Variants in CSMD2 observed in about 807,000 individuals in gnomAD.
CSMD2 encodes the protein CUB and sushi domain-containing protein 2.
A neutral mutation model predicts 398.5 loss-of-function variants in CSMD2; 130 were observed. The ratio of observed to expected loss-of-function variants is 0.33; its 90% CI spans 0.28 to 0.38. The LOEUF (loss-of-function observed/expected upper bound fraction) is 0.38. Ranked by LOEUF, CSMD2 falls within the 10% of genes least tolerant of loss-of-function variation. The pLI is 1.00. For synonymous variants in CSMD2, 1,828 were observed against 1,908.5 expected, an observed-to-expected ratio of 0.96 and a Z score of 1.10; for missense variants, 3,829 against 4,764.9, an observed-to-expected ratio of 0.80 and a Z score of 5.78.
intron 1 of CSMD2, among the ~76,000 whole-genome samples, chr1:34,162,297 G>C (rs752761218): frequency 2.6e-5 from 4 of 151,980 alleles, no homozygotes; most frequent in Non-Finnish European, 5.9e-5. Flanking sequence ...AGGACTAAAG[G>C]GGTTGAGGGG....
chr1:33,606,494 T>C (rs1260262152), intron 41 of CSMD2, among the ~76,000 whole-genome samples: 1 of 152,162 alleles, frequency 6.6e-6, no homozygotes, highest in Non-Finnish European at 1.5e-5. Flanking sequence ...TGGGAAATCA[T>C]TGAGGTAATT....
intron 25 of CSMD2, among the ~76,000 whole-genome samples, chr1:33,686,648 C>A (rs530885022): frequency 6.6e-6 from 1 of 152,218 alleles, no homozygotes; most frequent in Admixed American, 6.5e-5. Flanking sequence ...CCTTGCCCAG[C>A]TTGCTGGAGC....
chr1:33,748,169 G>C (rs1323536477), intron 13 of CSMD2, among the ~76,000 whole-genome samples: 1 of 152,204 alleles, frequency 6.6e-6, no homozygotes, highest in Non-Finnish European at 1.5e-5. Context: ...GGCAGGAAGA[G>C]GAAGTGTGCG....
intron 3 of CSMD2, among the ~76,000 whole-genome samples, chr1:33,989,228 G>C (rs1646469901): frequency 6.6e-6 from 1 of 151,352 alleles, no homozygotes; most frequent in Non-Finnish European, 1.5e-5. Context: ...CAATAAACAG[G>C]TGAAAAAATG....
At chr1:33,999,443 G>T (rs1646829039) in intron 3 of CSMD2, among the ~76,000 whole-genome samples, 1 of 152,102 alleles carries the variant, frequency 6.6e-6, no homozygotes, top group African/African-American at 2.4e-5. Context: ...CCAGGCTGAA[G>T]TGCAGTAGCG....
rs765602321 is a variant in CSMD2, at chr1:33,516,218, G to A, written c.*406C>T. 1 of 152,090 alleles carries A rather than the reference G, an allele frequency of 6.6e-6. No individual in the cohort carries two copies. Among genetic ancestry groups the A allele is most frequent in the Non-Finnish European group, 1.5e-5 (1 of 68,032 alleles). 9.4% of individuals were successfully genotyped at this position (152,090 alleles called of 1,614,324 possible). A position where few individuals can be genotyped will look rare whatever the true frequency, so the allele number is the denominator to read the frequency against. On this transcript the variant is annotated 3_prime_UTR_variant, in exon 71 of 71. Coordinates refer to ENST00000373381, the MANE Select transcript of CSMD2 (RefSeq NM_001281956.2). ...CTCTGTGTGGGGAACAGGGCATGAA[G>A]CATCCTTCATGCGCACTTCTAGTTT...
intron 48 of CSMD2, among the ~76,000 whole-genome samples, chr1:33,578,889 A>G (rs1256872515): frequency 6.6e-6 from 1 of 152,066 alleles, no homozygotes; most frequent in Non-Finnish European, 1.5e-5. Context: ...TTCCAAGCCG[A>G]ATTTGTTTCC....
chr1:33,584,011 T>A (rs915962598), intron 46 of CSMD2, among the ~76,000 whole-genome samples, 181 bp from the exon 47 acceptor site: 1 of 152,168 alleles, frequency 6.6e-6, no homozygotes, highest in Non-Finnish European at 1.5e-5. Flanking sequence ...AGATCCTGTG[T>A]CAATATTGCA....
At chr1:33,935,359 T>C (rs1180844230) in intron 4 of CSMD2, among the ~76,000 whole-genome samples, 2 of 152,126 alleles carry the variant, frequency 1.3e-5, no homozygotes, top group African/African-American at 4.8e-5. Flanking sequence ...GCTGAATTTA[T>C]AGGAAAGAGA....
At chr1:33,824,644 A>G (rs1169027973) in intron 7 of CSMD2, among the ~76,000 whole-genome samples, 1 of 152,098 alleles carries the variant, frequency 6.6e-6, no homozygotes, top group Admixed American at 6.5e-5. Flanking sequence ...CATCTCCAGG[A>G]AAGTGAGCAC....
At chr1:33,601,900 T>C (rs986670232) in intron 43 of CSMD2, among the ~76,000 whole-genome samples, 3 of 152,340 alleles carry the variant, frequency 2.0e-5, no homozygotes, top group East Asian at 3.9e-4. Context: ...TTGGGCAGCA[T>C]AGACATAGAA....
At chr1:33,584,471 A>G (rs1450766819) in intron 46 of CSMD2, among the ~76,000 whole-genome samples, 2 of 152,118 alleles carry the variant, frequency 1.3e-5, no homozygotes, top group East Asian at 3.9e-4. Context: ...AGAACTCAAG[A>G]CCATCCTGGC....
chr1:33,625,125 C>G lies in CSMD2; in HGVS notation c.5426G>C (p.Gly1809Ala). The G allele has an allele frequency of 1.2e-6, 2 of 1,614,090 alleles. No homozygotes were observed. Among genetic ancestry groups the G allele is most frequent in the Non-Finnish European group, 1.7e-6 (2 of 1,180,010 alleles). ...AGGGAGGCACTCGATCTCTGGCGAC[C>G]CCTGCAGGGCATAGCCGGAGTTGCA... ...FECNSGYALQ[G>A]SPEIECLPVP... The change falls in exon 34 of 71, where the codon GGG (glycine) becomes GCG (alanine). Residue 1809 changes from glycine to alanine, a missense_variant. Gly to Ala is a moderately conservative substitution (Grantham distance 60, BLOSUM62 0). Transcript: ENST00000373381.
intron 1 of CSMD2, among the ~76,000 whole-genome samples, chr1:34,099,352 A>G (rs892953579): frequency 6.6e-6 from 1 of 152,240 alleles, no homozygotes; most frequent in African/African-American, 2.4e-5. Flanking sequence ...ATTAGACAAT[A>G]CCATGCTAGA....
chr1:34,063,585 T>C (rs535911697), intron 2 of CSMD2, among the ~76,000 whole-genome samples: 10 of 152,280 alleles, frequency 6.6e-5, no homozygotes, highest in South Asian at 4.1e-4. Context: ...TAGATTCCCA[T>C]AGTCTTGGGC....
chr1:33,908,558 C>T (rs1570468868), intron 5 of CSMD2, among the ~76,000 whole-genome samples: 1 of 152,260 alleles, frequency 6.6e-6, no homozygotes, highest in Non-Finnish European at 1.5e-5. Context: ...AGCTGCCCGA[C>T]CTCAGCTTCC....
chr1:34,076,928 A>AATATATATATATATAT (rs1177320523), intron 2 of CSMD2, among the ~76,000 whole-genome samples: 3 of 53,600 alleles, frequency 5.6e-5, no homozygotes, highest in African/African-American at 1.7e-4. Flanking sequence ...AAAAAAAAAA[A>AATATATATATATATAT]ATATATATAT....
chr1:33,630,038 T>C (rs1337803361), intron 32 of CSMD2, among the ~76,000 whole-genome samples: 7 of 152,084 alleles, frequency 4.6e-5, no homozygotes. Flanking sequence ...TCTTTCTCTC[T>C]CACTCTCTCA....
intron 1 of CSMD2, among the ~76,000 whole-genome samples, chr1:34,096,512 C>G (rs1425884438): frequency 6.8e-6 from 1 of 146,958 alleles, no homozygotes; most frequent in Non-Finnish European, 1.5e-5. Context: ...CTAGAAAACC[C>G]CATTGTCTCA....
Sources: gnomAD v4.1 joint callset for allele counts (sites outside exome capture counted in the v4.1 genomes callset) on GRCh38, gnomAD v4.1.1 for gene constraint, MANE v1.5 for transcripts, NCBI Gene and HGNC (gene_info 2026-07-23, HGNC 2026-07-21) for gene names.